Variants in NUP93 observed in about 807,000 individuals in gnomAD.
NUP93 encodes nucleoporin 93.
A neutral mutation model predicts 107.8 loss-of-function variants in NUP93; 55 were observed. That is an observed-to-expected ratio of 0.51 (90% CI 0.41 to 0.64). NUP93 has a LOEUF of 0.64. Among genes scored for constraint, NUP93 ranks in the 30% least tolerant of loss-of-function variants. The pLI is 0.00. For synonymous variants in NUP93, 390 were observed against 397.5 expected (o/e 0.98, Z 0.22); for missense variants, 937 against 1,044.7 (o/e 0.90, Z 1.42).
At chr16:56,811,885 C>T (rs1463211562) in intron 5 of NUP93, among the ~76,000 whole-genome samples, 2 of 152,090 alleles carry the variant, frequency 1.3e-5, no homozygotes, top group Non-Finnish European at 2.9e-5. Flanking sequence ...ATTCTTTGTG[C>T]GATTGTTGGT....
At chr16:56,784,438 T>C (rs558877661) in intron 3 of NUP93, among the ~76,000 whole-genome samples, 31 of 152,346 alleles carry the variant, frequency 2.0e-4, no homozygotes, top group African/African-American at 7.5e-4. Context: ...GGATAATTTT[T>C]AGTGCCTTCT....
At chr16:56,806,982 G>A (rs1285338198) in intron 5 of NUP93, among the ~76,000 whole-genome samples, 3 of 152,298 alleles carry the variant, frequency 2.0e-5, no homozygotes, top group Admixed American at 6.5e-5. Flanking sequence ...TAAAGGACAG[G>A]TTAGATTGTG....
chr16:56,805,722 G>A (rs1963123477), intron 5 of NUP93, 90 bp downstream of exon 5: 2 of 1,359,170 alleles, frequency 1.5e-6, no homozygotes, highest in Admixed American at 2.0e-5. Flanking sequence ...TGGCACAGTG[G>A]ATCACTGTCT....
chr16:56,792,832 A>T (rs1365364283), intron 3 of NUP93, among the ~76,000 whole-genome samples: 5 of 151,962 alleles, frequency 3.3e-5, no homozygotes, highest in Non-Finnish European at 5.9e-5. Context: ...AGAGAGAGAA[A>T]TTTTTTTTTA....
At chr16:56,804,221 A>G (rs1308505237) in intron 4 of NUP93, among the ~76,000 whole-genome samples, 5 of 152,204 alleles carry the variant, frequency 3.3e-5, no homozygotes, top group African/African-American at 9.7e-5. Context: ...ACTTCTGAGT[A>G]TATACCCAGA....
chr16:56,757,971 T>C lies in NUP93; in HGVS notation c.180-567T>C, dbSNP rs111834889. On this transcript the variant is annotated intron_variant, in intron 2 of 21. Transcript: ENST00000308159. The stretch of plus-strand genomic sequence containing the variant: ...AGTTGTGCTGTACAACCCGGGAGGC[T>C]GAGGCAGGAGAATCACATGAACCTG... Among the ~76,000 whole-genome samples, 429 of 152,058 alleles carry C rather than the reference T, an allele frequency of 2.8e-3. 3 individuals are homozygous for C. Among genetic ancestry groups the C allele is most frequent in the African/African-American group, 9.8e-3 (405 of 41,464 alleles).
In NUP93 at chr16:56,738,634, C is replaced by G. The variant is rs187345109; in HGVS notation, c.-15+8423C>G. On this transcript the variant is annotated intron_variant, in intron 1 of 21. Transcript: ENST00000308159. Reference sequence around the variant, plus strand: ...TTCCCTCTCCTCTCTCTTCCAGAGGCATCTGAAACAATGATGTCTGTCAAG... The same window carrying G: ...TTCCCTCTCCTCTCTCTTCCAGAGGGATCTGAAACAATGATGTCTGTCAAG... 3.9e-5 allele frequency among the ~76,000 whole-genome samples: 6 copies of G among 152,180 alleles called. No homozygotes were observed. In the East Asian group the frequency reaches 1.2e-3, roughly 29 times the overall value.
intron 3 of NUP93, among the ~76,000 whole-genome samples, chr16:56,795,550 C>G (rs1258114611): frequency 6.6e-6 from 1 of 152,234 alleles, no homozygotes; most frequent in Non-Finnish European, 1.5e-5. Flanking sequence ...ATTCGCCATC[C>G]TACCCCCGTT....
At position 56,768,625 on chromosome 16, in the gene NUP93, T is replaced by TG. The variant is rs534434151; in HGVS notation, c.297+9972dup. Reference sequence around the variant, plus strand: ...GCTCACGCCTGTAATCCCAGCACTTTGGAGGCCAAGGCGGGCGGATCACAA... The same window carrying TG: ...GCTCACGCCTGTAATCCCAGCACTTTGGGAGGCCAAGGCGGGCGGATCACAA... On this transcript the variant is annotated intron_variant, in intron 3 of 21. Transcript: ENST00000308159. Among the ~76,000 whole-genome samples, 16 of 151,584 alleles carry TG rather than the reference T, an allele frequency of 1.1e-4. 1 individual carries two copies. In the South Asian group the frequency reaches 1.9e-3, roughly 18 times the overall value.
intron 1 of NUP93, among the ~76,000 whole-genome samples, chr16:56,742,447 A>G (rs1423250964): frequency 6.6e-6 from 1 of 152,256 alleles, no homozygotes; most frequent in East Asian, 1.9e-4. Context: ...TGAAAATTAT[A>G]TGAAACTCAA....
intron 1 of NUP93, among the ~76,000 whole-genome samples, chr16:56,737,764 C>T (rs1961636904): frequency 6.6e-6 from 1 of 152,068 alleles, no homozygotes; most frequent in Admixed American, 6.5e-5. Flanking sequence ...CATAAAAAGC[C>T]CAAGTGGGAT....
chr16:56,822,597 G>A (rs1190971671), intron 7 of NUP93, among the ~76,000 whole-genome samples: 3 of 77,382 alleles, frequency 3.9e-5, no homozygotes, highest in Non-Finnish European at 7.3e-5. Context: ...TTTCACTGTT[G>A]TTGCCCAGGC....
At chr16:56,784,059 G>GT (rs1196590168) in intron 3 of NUP93, among the ~76,000 whole-genome samples, 5 of 152,056 alleles carry the variant, frequency 3.3e-5, no homozygotes, top group African/African-American at 1.2e-4. Context: ...TTAAAAATAG[G>GT]TTTTGTGAGT....
rs931283246 is a variant in NUP93 at position 56,849,297 on chromosome 16, A to C, written c.*4688A>C. The C allele has an allele frequency of 2.0e-5, 3 of 152,290 alleles. No homozygotes were observed. The highest frequency in any genetic ancestry group is 4.4e-5 in the Non-Finnish European group (3 of 68,096). The allele number at this position is 152,290 out of a possible 1,614,324, so 9.4% of individuals were successfully genotyped here. On this transcript the variant is annotated 3_prime_UTR_variant, in exon 22 of 22. Transcript: ENST00000308159. ...CAGGGAAACATTGAGAAGGGGGTGG[A>C]AATTTGATGTACTGTGAATAATGAA...
At chr16:56,797,420 C>G (rs1962924564) in intron 3 of NUP93, among the ~76,000 whole-genome samples, 1 of 152,188 alleles carries the variant, frequency 6.6e-6, no homozygotes, top group East Asian at 1.9e-4. Flanking sequence ...CTACTCAGCC[C>G]CCCACCAGCC....
intron 3 of NUP93, among the ~76,000 whole-genome samples, chr16:56,790,147 C>A (rs1488084728): frequency 6.7e-6 from 1 of 148,844 alleles, no homozygotes; most frequent in African/African-American, 2.5e-5. Flanking sequence ...AGCAGTGGTA[C>A]TTTAAATATC....
intron 3 of NUP93, among the ~76,000 whole-genome samples, chr16:56,761,551 C>T (rs1962126582): frequency 1.1e-5 from 1 of 87,862 alleles, no homozygotes; most frequent in Non-Finnish European, 2.2e-5. Flanking sequence ...TTTTGTTTTT[C>T]AATCAATGCA....
chr16:56,808,130 A>AT (rs1419145842), intron 5 of NUP93, among the ~76,000 whole-genome samples: 1 of 112,726 alleles, frequency 8.9e-6, no homozygotes, highest in Non-Finnish European at 1.8e-5. Flanking sequence ...ATAACTATAT[A>AT]AATATATTTA....
chr16:56,770,954 T>G (rs1382326495), intron 3 of NUP93, among the ~76,000 whole-genome samples: 1 of 151,778 alleles, frequency 6.6e-6, no homozygotes, highest in Non-Finnish European at 1.5e-5. Context: ...TCAAAATTGG[T>G]CAATTCCTAT....
Sources: gnomAD v4.1 joint callset for allele counts (sites outside exome capture counted in the v4.1 genomes callset) on GRCh38, gnomAD v4.1.1 for gene constraint, MANE v1.5 for transcripts, NCBI Gene and HGNC (gene_info 2026-07-23, HGNC 2026-07-21) for gene names.